CHAT: variants seen among roughly 807,000 people sequenced by gnomAD.
The protein encoded by CHAT is acetyl CoA:choline O-acetyltransferase.
Under a neutral mutation model 76.9 loss-of-function variants are expected in CHAT, and 61 were observed. The observed-to-expected ratio is 0.79, with a 90% confidence interval of 0.65 to 0.98. The LOEUF is 0.98. Among genes scored for constraint, CHAT ranks in the 50% least tolerant of loss-of-function variants. The probability of loss-of-function intolerance (pLI) is 0.00; values close to 1 mark genes in which losing one functional copy is unlikely to be tolerated. For missense variants in CHAT, 946 were observed against 986.9 expected, an observed-to-expected ratio of 0.96 and a Z score of 0.56; for synonymous variants, 407 against 397.4, an observed-to-expected ratio of 1.02 and a Z score of -0.29.
chr10:49,640,370 A>G (rs868277719), intron 7 of CHAT, among the ~76,000 whole-genome samples: 2 of 152,124 alleles, frequency 1.3e-5, no homozygotes, highest in African/African-American at 4.8e-5. Context: ...AGCTTGTTTT[A>G]ACTGGCTTCC....
At chr10:49,611,158 C>T, upstream of CHAT, 7 of 1,614,192 alleles carry the variant, frequency 4.3e-6, no homozygotes, top group Non-Finnish European at 5.9e-6. Context: ...GCTAGTGAAC[C>T]CCTTGAGCGG....
chr10:49,645,463 A>C (rs1839627734), intron 7 of CHAT, among the ~76,000 whole-genome samples: 3 of 152,174 alleles, frequency 2.0e-5, no homozygotes, highest in Admixed American at 6.6e-5. Flanking sequence ...CAGGCTGTGT[A>C]CCCCCACACC....
upstream of CHAT, chr10:49,612,495 C>T: frequency 1.4e-6 from 1 of 711,684 alleles, no homozygotes; most frequent in Non-Finnish European, 2.4e-6. Flanking sequence ...TCCCTGTGAC[C>T]CGTTCCATAT....
At chr10:49,659,627 C>T (rs180736284) in intron 13 of CHAT, among the ~76,000 whole-genome samples, 6 of 152,108 alleles carry the variant, frequency 3.9e-5, no homozygotes, top group Non-Finnish European at 7.4e-5. Context: ...CTTGGGAGGC[C>T]GAGGTGGGTG....
chr10:49,649,906 G>A (rs1190785781), intron 10 of CHAT, among the ~76,000 whole-genome samples: 1 of 127,498 alleles, frequency 7.8e-6, no homozygotes, highest in Non-Finnish European at 1.5e-5. Context: ...AGTTTCACCT[G>A]ACTGAGCAGA....
intron 1 of CHAT, chr10:49,615,706 A>G (rs190202105): frequency 2.7e-6 from 1 of 373,572 alleles, no homozygotes; most frequent in Admixed American, 4.1e-5. Context: ...TAATAATAAC[A>G]GTCTTTGCCC....
At chr10:49,630,094 C>T (rs1839063773) in intron 7 of CHAT, among the ~76,000 whole-genome samples, 1 of 152,012 alleles carries the variant, frequency 6.6e-6, no homozygotes, top group South Asian at 2.1e-4. Context: ...GTTAGAGGTG[C>T]TTGGGTCATC....
intron 7 of CHAT, among the ~76,000 whole-genome samples, chr10:49,631,812 G>A (rs1212662822): frequency 1.3e-5 from 2 of 152,038 alleles, no homozygotes; most frequent in Non-Finnish European, 2.9e-5. Context: ...TGGGAGAGGA[G>A]GATGGAGACT....
intron 13 of CHAT, among the ~76,000 whole-genome samples, chr10:49,656,529 A>G (rs1840041878): frequency 6.6e-6 from 1 of 152,150 alleles, no homozygotes; most frequent in Admixed American, 6.5e-5. Flanking sequence ...TTCCCAGGGA[A>G]AGTGGTGCTT....
rs1840317185 is a variant in CHAT, at chr10:49,665,225, A to G, written c.*179A>G. On this transcript the variant is annotated 3_prime_UTR_variant, in exon 15 of 15. Coordinates refer to ENST00000337653, the MANE Select transcript of CHAT (RefSeq NM_020549.5). ...GTTAGGAGGAAAGGGTCCCCTCTTC[A>G]TGCATGGGAATCATCATTTTCAAGG... The G allele has an allele frequency of 1.4e-6, 1 of 702,672 alleles. No individual in the cohort carries two copies. The highest frequency in any genetic ancestry group is 2.3e-5 in the Admixed American group (1 of 42,912). The allele number at this position is 702,672 out of a possible 1,614,324, so 43.5% of individuals were successfully genotyped here.
At chr10:49,628,804 C>A (rs944699006) in intron 7 of CHAT, among the ~76,000 whole-genome samples, 18 of 152,288 alleles carry the variant, frequency 1.2e-4, no homozygotes, top group Admixed American at 2.6e-4. Context: ...GGCAGACCAA[C>A]CCTGGGCAAA....
intron 7 of CHAT, among the ~76,000 whole-genome samples, chr10:49,641,307 T>A (rs1321198494): frequency 6.6e-6 from 1 of 152,234 alleles, no homozygotes; most frequent in Non-Finnish European, 1.5e-5. Context: ...GCTGCTATGA[T>A]GTTCCTTGGG....
chr10:49,612,125 A>G (rs765089404), upstream of CHAT: 2 of 1,612,510 alleles, frequency 1.2e-6, no homozygotes, highest in Non-Finnish European at 1.7e-6. Flanking sequence ...AACCTGCTCT[A>G]TGCTCCCGTC....
At chr10:49,614,894 C>T (rs1425879100) in intron 1 of CHAT, among the ~76,000 whole-genome samples, 5 of 152,208 alleles carry the variant, frequency 3.3e-5, no homozygotes, top group Non-Finnish European at 5.9e-5. Flanking sequence ...AGGACATAGC[C>T]GATGACAGCC....
At chr10:49,612,032 C>G (rs989233173), upstream of CHAT, 2 of 1,613,602 alleles carry the variant, frequency 1.2e-6, no homozygotes, top group African/African-American at 2.7e-5. Flanking sequence ...TATTCGGTGG[C>G]CTACGCGCTC....
At chr10:49,624,718 A>T (rs12264716) in intron 5 of CHAT, among the ~76,000 whole-genome samples, 2,210 of 148,302 alleles carry the variant, frequency 0.015, 54 homozygotes, top group African/African-American at 0.054. Flanking sequence ...GAAGGAAGGA[A>T]GGATGGATGG....
At chr10:49,617,711 G>A (rs1319209392) in intron 2 of CHAT, among the ~76,000 whole-genome samples, 1 of 152,114 alleles carries the variant, frequency 6.6e-6, no homozygotes, top group Non-Finnish European at 1.5e-5. Flanking sequence ...CTTTCTGTAG[G>A]TGCTCACCCA....
At chr10:49,643,292 G>A (rs1422317548) in intron 7 of CHAT, among the ~76,000 whole-genome samples, 1 of 152,218 alleles carries the variant, frequency 6.6e-6, no homozygotes, top group African/African-American at 2.4e-5. Context: ...CCCATAAGCT[G>A]GAGGTCAAGC....
chr10:49,626,565 C>G (rs955301437), intron 6 of CHAT, among the ~76,000 whole-genome samples: 1 of 152,104 alleles, frequency 6.6e-6, no homozygotes, highest in African/African-American at 2.4e-5. Flanking sequence ...TCTAGGAGCT[C>G]TCGCAGCCCA....
Sources: allele counts gnomAD v4.1 joint callset (sites outside exome capture counted in the v4.1 genomes callset), GRCh38; gene constraint gnomAD v4.1.1; transcripts MANE v1.5; gene names NCBI Gene and HGNC (gene_info 2026-07-23, HGNC 2026-07-21).